Variants in MS4A5 observed in about 807,000 individuals in gnomAD.
The protein encoded by MS4A5 is membrane-spanning 4-domains subfamily A member 5.
MS4A5 carries 15 observed loss-of-function variants against 18.2 expected under a neutral mutation model. The observed-to-expected ratio is 0.83, with a 90% CI of 0.55 to 1.27. The LOEUF is 1.27. Ranked by LOEUF, MS4A5 falls within the 50% of genes most tolerant of loss-of-function variation. MS4A5 has a pLI of 0.00. For missense variants in MS4A5, 232 were observed against 225.7 expected (o/e 1.03, Z -0.18); for synonymous variants, 89 against 78.7 (o/e 1.13, Z -0.69).
rs139683622 is a variant in MS4A5, at chr11:60,432,542, C to G, written c.339+75C>G. 3.3e-6 allele frequency: 3 copies of G among 922,926 alleles called. No homozygotes were observed. In the Admixed American group the frequency reaches 6.8e-5, roughly 21 times the overall value. The allele number at this position is 922,926 out of a possible 1,614,324, so 57.2% of individuals were successfully genotyped here. A position where few individuals can be genotyped will look rare whatever the true frequency, so the allele number is the denominator to read the frequency against. On this transcript the variant is annotated intron_variant, in intron 3 of 4. Transcript: ENST00000300190. ...GTGGCTCATACCTGTAATCCCAGCA[C>G]TTTGGGAGGCCAAGACGGGTGGATC...
intron 4 of MS4A5, among the ~76,000 whole-genome samples, chr11:60,442,692 A>G (rs3973195): frequency 0.27 from 40,915 of 152,194 alleles, 5,953 homozygotes; most frequent in Admixed American, 0.39. Flanking sequence ...GTCATTAACT[A>G]TGGGCACCCC....
intron 4 of MS4A5, among the ~76,000 whole-genome samples, chr11:60,435,242 T>C (rs1031282433): frequency 6.6e-6 from 1 of 151,868 alleles, no homozygotes; most frequent in Non-Finnish European, 1.5e-5. Flanking sequence ...AAATTTTCCA[T>C]TGAAAATTAA....
intron 4 of MS4A5, among the ~76,000 whole-genome samples, chr11:60,434,914 A>G (rs1321948020): frequency 6.6e-6 from 1 of 152,246 alleles, no homozygotes; most frequent in Non-Finnish European, 1.5e-5. Flanking sequence ...GTATTAAACT[A>G]GGTCTTTGAT....
At chr11:60,431,234 G>T (rs2086047035) in intron 2 of MS4A5, among the ~76,000 whole-genome samples, 1 of 152,164 alleles carries the variant, frequency 6.6e-6, no homozygotes, top group Non-Finnish European at 1.5e-5. Context: ...CTCCCCCAAA[G>T]ACCTCTCAGT....
In MS4A5 at chr11:60,433,858, T is replaced by C. The variant is rs138670537; in HGVS notation, c.433T>C (p.Tyr145His). ...ATTTGGTTTCATCCTAGATCAAAACTACATTTGTGGTTATTCTCACCAAAA... is the reference window on the plus strand; with the variant it reads ...ATTTGGTTTCATCCTAGATCAAAACCACATTTGTGGTTATTCTCACCAAAA... ...LTFGFILDQN[Y>H]ICGYSHQNSQ... Residue 145 changes from tyrosine (Y) to histidine (H), a missense_variant, in exon 4 of 5, where the codon TAC becomes CAC. Tyr to His is a moderately conservative substitution (Grantham distance 83, BLOSUM62 2). Transcript: ENST00000300190. 6.2e-7 allele frequency: 1 copy of C among 1,613,958 alleles called. No homozygotes were observed. The highest frequency in any genetic ancestry group is 1.3e-5 in the African/African-American group (1 of 74,936).
rs117418499 is a variant in MS4A5 at position 60,432,387 on chromosome 11, T to C, written c.283-24T>C. On this transcript the variant is annotated intron_variant, in intron 2 of 4. Coordinates refer to ENST00000300190, the MANE Select transcript of MS4A5 (RefSeq NM_023945.3). ...AACATCAGCTAAACATGGTCATCAT[T>C]AACATATTTATTCCTCTTAACAGTT... The C allele has an allele frequency of 5.5e-4, 825 of 1,489,880 alleles. 5 individuals are homozygous for C. The Admixed American group carries it at 7.6e-3, about 14-fold the overall frequency. The allele number at this position is 1,489,880 out of a possible 1,614,324, so 92.3% of individuals were successfully genotyped here.
chr11:60,433,781 T>C lies in MS4A5; in HGVS notation c.356T>C (p.Ile119Thr). ...CTATTTCAGATAATATTGAGCCGAA[T>C]AATGAATTTTCTTAGTGCCCTGGGA... is the stretch of plus-strand genomic sequence containing the variant. Reference protein sequence around the residue: ...TTETLIILSRIMNFLSALGAI... With the variant: ...TTETLIILSRTMNFLSALGAI... Residue 119 changes from isoleucine to threonine, a missense_variant, in exon 4 of 5, where the codon ATA becomes ACA. Physicochemically the swap from Ile to Thr is moderately conservative, Grantham distance 89. Transcript: ENST00000300190. The C allele has an allele frequency of 6.2e-7, 1 of 1,613,984 alleles. No homozygotes were observed. The highest frequency in any genetic ancestry group is 8.5e-7 in the Non-Finnish European group (1 of 1,179,832).
chr11:60,441,767 A>G (rs922218058), intron 4 of MS4A5, among the ~76,000 whole-genome samples: 5 of 152,066 alleles, frequency 3.3e-5, no homozygotes, highest in Non-Finnish European at 5.9e-5. Flanking sequence ...TTTTAAAAAA[A>G]GATGGTCCCA....
intron 4 of MS4A5, among the ~76,000 whole-genome samples, chr11:60,447,307 GTGCTA>G (rs1198924754): frequency 0.24 from 33,519 of 139,394 alleles, 3,921 homozygotes; most frequent in South Asian, 0.38. Context: ...ATCCTATGCT[GTGCTA>G]TGCTATGCTA....
intron 4 of MS4A5, among the ~76,000 whole-genome samples, chr11:60,446,144 AAATG>A (rs1369494133): frequency 1.3e-5 from 2 of 152,254 alleles, no homozygotes; most frequent in Non-Finnish European, 2.9e-5. Flanking sequence ...ACAAAAGAAT[AAATG>A]AATGATGACA....
chr11:60,445,259 TTTC>T (rs1045644170), intron 4 of MS4A5, among the ~76,000 whole-genome samples: 2 of 151,156 alleles, frequency 1.3e-5, no homozygotes, highest in African/African-American at 4.8e-5. Context: ...ATAAAAGACA[TTTC>T]TTCTTTTTTT....
Position 60,433,802 on chromosome 11 carries a change from T to C in MS4A5, c.377T>C (p.Leu126Pro). Residue 126 changes from leucine (L) to proline (P), a missense_variant, in exon 4 of 5, where the codon CTG (leucine) becomes CCG (proline). Transcript: ENST00000300190. ...CGAATAATGAATTTTCTTAGTGCCC[T>C]GGGAGCAATAGCTGGAATCATTCTC... ...LSRIMNFLSA[L>P]GAIAGIILLT... 7 of 1,614,006 alleles carry C rather than the reference T, an allele frequency of 4.3e-6. No homozygotes were observed. Among genetic ancestry groups the C allele is most frequent in the Non-Finnish European group, 5.9e-6 (7 of 1,179,836 alleles).
intron 1 of MS4A5, 28 bp downstream of exon 1, chr11:60,429,855 T>A: frequency 6.2e-7 from 1 of 1,600,494 alleles, no homozygotes; most frequent in Non-Finnish European, 8.5e-7. Flanking sequence ...CTATGTATAT[T>A]TTACTGAGGC....
intron 1 of MS4A5, 48 bp downstream of exon 1, chr11:60,429,875 G>C (rs1261727010): frequency 3.5e-5 from 54 of 1,556,722 alleles, no homozygotes; most frequent in Non-Finnish European, 4.5e-5. Context: ...CAGGGGAAAG[G>C]CTAGGGAAAT....
intron 4 of MS4A5, among the ~76,000 whole-genome samples, chr11:60,447,307 G>GTGCTATGCTATGCTA (rs1198924754): frequency 0.055 from 7,665 of 139,610 alleles, 275 homozygotes; most frequent in East Asian, 0.12. Context: ...ATCCTATGCT[G>GTGCTATGCTATGCTA]TGCTATGCTA....
chr11:60,432,237 G>A (rs2086052817), intron 2 of MS4A5, among the ~76,000 whole-genome samples, 174 bp from the exon 3 acceptor site: 2 of 152,128 alleles, frequency 1.3e-5, no homozygotes, highest in Admixed American at 6.6e-5. Flanking sequence ...CCAGTGTTTT[G>A]TCCACTATTC....
chr11:60,444,807 T>C (rs533308946), intron 4 of MS4A5, among the ~76,000 whole-genome samples: 399 of 152,298 alleles, frequency 2.6e-3, no homozygotes, highest in African/African-American at 9.1e-3. Context: ...TCATACCCTT[T>C]TGATGGAAAT....
chr11:60,437,527 C>T (rs1404861575), intron 4 of MS4A5, among the ~76,000 whole-genome samples: 1 of 152,138 alleles, frequency 6.6e-6, no homozygotes, highest in African/African-American at 2.4e-5. Flanking sequence ...TCAGGAAATG[C>T]ATCTCATGTG....
At chr11:60,442,474 A>T (rs1326794232) in intron 4 of MS4A5, among the ~76,000 whole-genome samples, 1 of 152,132 alleles carries the variant, frequency 6.6e-6, no homozygotes, top group East Asian at 1.9e-4. Flanking sequence ...GGAATATCAC[A>T]CACCAAGGCC....
Sources: allele counts gnomAD v4.1 joint callset (sites outside exome capture counted in the v4.1 genomes callset), GRCh38; gene constraint gnomAD v4.1.1; transcripts MANE v1.5; gene names NCBI Gene and HGNC (gene_info 2026-07-23, HGNC 2026-07-21).